PIWIL2: variants seen among roughly 807,000 people sequenced by gnomAD.
The protein encoded by PIWIL2 is piwi like RNA-mediated gene silencing 2.
Under a neutral mutation model 116.5 loss-of-function variants are expected in PIWIL2, and 81 were observed. The ratio of observed to expected loss-of-function variants is 0.70; its 90% CI spans 0.58 to 0.84. The LOEUF is 0.84. PIWIL2 is among the 40% of genes least tolerant of loss of function. The probability of loss-of-function intolerance (pLI) is 0.00; values close to 1 mark genes in which losing one functional copy is unlikely to be tolerated. For synonymous variants in PIWIL2, 489 were observed against 429.5 expected, an observed-to-expected ratio of 1.14 and a Z score of -1.71; for missense variants, 1,272 against 1,212.3, an observed-to-expected ratio of 1.05 and a Z score of -0.73.
chr8:22,287,516 A>G lies in PIWIL2; in HGVS notation c.744-12A>G, dbSNP rs754361865. 6.4e-7 allele frequency: 1 copy of G among 1,573,232 alleles called. No individual in the cohort carries two copies. The highest frequency in any genetic ancestry group is 8.8e-7 in the Non-Finnish European group (1 of 1,142,646). On this transcript the variant is annotated splice_polypyrimidine_tract_variant and intron_variant, in intron 6 of 22. Coordinates refer to ENST00000356766, the MANE Select transcript of PIWIL2 (RefSeq NM_018068.5). ...GTCAAGTTAAAGGAAAATCCTCTTC[A>G]TTATTTTCCAGCCCCAATGTGGAGT...
chr8:22,306,155 C>T lies in PIWIL2; in HGVS notation c.1545+139C>T, dbSNP rs144491623. The T allele has an allele frequency of 4.6e-3, 2,891 of 630,196 alleles. 35 individuals are homozygous for T. The highest frequency in any genetic ancestry group is 0.026 in the Middle Eastern group (69 of 2,646). 39.0% of individuals were successfully genotyped at this position (630,196 alleles called of 1,614,324 possible). A position where few individuals can be genotyped will look rare whatever the true frequency, so the allele number is the denominator to read the frequency against. ...ACCTGGGCCTGTCCATTCTTCCAGC[C>T]TCCAGTTTTCTCCTCTGTAAAACAT... is the stretch of plus-strand genomic sequence containing the variant. On this transcript the variant is annotated intron_variant, in intron 13 of 22. Coordinates refer to ENST00000356766, the MANE Select transcript of PIWIL2 (RefSeq NM_018068.5).
intron 15 of PIWIL2, among the ~76,000 whole-genome samples, chr8:22,310,463 C>G (rs752663413): frequency 2.0e-5 from 3 of 152,100 alleles, no homozygotes; most frequent in Admixed American, 1.3e-4. Context: ...CTATTTGTAT[C>G]AAGGTACAAA....
At chr8:22,276,510 T>C (rs1830374684) in intron 1 of PIWIL2, among the ~76,000 whole-genome samples, 1 of 151,980 alleles carries the variant, frequency 6.6e-6, no homozygotes, top group Non-Finnish European at 1.5e-5. Context: ...GAGATGAGGG[T>C]TCACCATTTT....
At chr8:22,282,169 C>T (rs1830521883) in intron 4 of PIWIL2, among the ~76,000 whole-genome samples, 1 of 149,530 alleles carries the variant, frequency 6.7e-6, no homozygotes, top group Admixed American at 6.7e-5. Context: ...CAACCTCCAC[C>T]TCCCAGGTTC....
chr8:22,304,960 G>A, intron 12 of PIWIL2, 92 bp downstream of exon 12: 1 of 851,686 alleles, frequency 1.2e-6, no homozygotes, highest in Non-Finnish European at 2.0e-6. Flanking sequence ...GGGAGCTGTG[G>A]AGTAGCAATC....
intron 12 of PIWIL2, among the ~76,000 whole-genome samples, chr8:22,305,597 G>C (rs1831157197): frequency 6.6e-6 from 1 of 152,148 alleles, no homozygotes; most frequent in African/African-American, 2.4e-5. Flanking sequence ...CAGTGAGACT[G>C]AGGCACACTG....
At chr8:22,276,965 C>G (rs568718846) in intron 1 of PIWIL2, among the ~76,000 whole-genome samples, 1 of 151,364 alleles carries the variant, frequency 6.6e-6, no homozygotes, top group South Asian at 2.1e-4. Context: ...CAAGTCAGGA[C>G]AATGAGAGGA....
chr8:22,316,459 T>G, intron 19 of PIWIL2, 126 bp downstream of exon 19: 1 of 647,042 alleles, frequency 1.5e-6, no homozygotes, highest in Non-Finnish European at 2.7e-6. Context: ...ATTTTCTTCC[T>G]CTATCTTCAT....
chr8:22,344,960 A>G (rs2132102167), intron 20 of PIWIL2, among the ~76,000 whole-genome samples: 1 of 152,364 alleles, frequency 6.6e-6, no homozygotes, highest in African/African-American at 2.4e-5. Flanking sequence ...ATAGATTGCT[A>G]ATGGGATTGT....
At chr8:22,277,712 G>A (rs1359038100) in intron 1 of PIWIL2, among the ~76,000 whole-genome samples, 1 of 152,084 alleles carries the variant, frequency 6.6e-6, no homozygotes, top group Non-Finnish European at 1.5e-5. Context: ...GAATTGGATA[G>A]AGATTCGGAG....
rs770259158 is a variant in PIWIL2 at position 22,314,312 on chromosome 8, A to G, written c.1990-16A>G. 5 of 1,440,744 alleles carry G rather than the reference A, an allele frequency of 3.5e-6. No homozygotes were observed. The highest frequency in any genetic ancestry group is 3.8e-6 in the Non-Finnish European group (4 of 1,061,588). 89.2% of individuals were successfully genotyped at this position (1,440,744 alleles called of 1,614,324 possible). A position where few individuals can be genotyped will look rare whatever the true frequency, so the allele number is the denominator to read the frequency against. ...GAATTCCACAGCCTGACTTGTATAT[A>G]CCTTATCTCCTCAAGGGGAAGATAC... On this transcript the variant is annotated splice_polypyrimidine_tract_variant and intron_variant, in intron 16 of 22. Transcript: ENST00000356766.
chr8:22,311,627 C>T (rs139177692), intron 16 of PIWIL2, among the ~76,000 whole-genome samples: 8 of 152,296 alleles, frequency 5.3e-5, no homozygotes, highest in Admixed American at 5.2e-4. Flanking sequence ...CCGTCTTGCA[C>T]GATTCACTAC....
Position 22,322,021 on chromosome 8 carries a change from G to T in PIWIL2, c.2403+3746G>T, listed in dbSNP as rs573694759. 1.2e-4 allele frequency: 105 copies of T among 843,776 alleles called. 1 individual carries two copies. The Middle Eastern group carries it at 2.4e-3, about 20-fold the overall frequency. The allele number at this position is 843,776 out of a possible 1,614,324, so 52.3% of individuals were successfully genotyped here. ...TAAAATGCTTCCAAATACTGTTTTG[G>T]TTTTTTTTTTTGTAAATAAACTTTT... On this transcript the variant is annotated intron_variant, in intron 20 of 22. Coordinates refer to ENST00000356766, the MANE Select transcript of PIWIL2 (RefSeq NM_018068.5).
intron 10 of PIWIL2, among the ~76,000 whole-genome samples, chr8:22,297,240 T>A (rs1382081748): frequency 6.6e-6 from 1 of 152,110 alleles, no homozygotes; most frequent in Non-Finnish European, 1.5e-5. Context: ...TTCTCCTACC[T>A]CAGCCTCCGA....
chr8:22,340,130 G>A (rs139081056), intron 20 of PIWIL2, among the ~76,000 whole-genome samples: 9,017 of 128,856 alleles, frequency 0.07, 335 homozygotes, highest in Admixed American at 0.13. Context: ...TCAGCTCACC[G>A]CAACCTCCGC....
chr8:22,321,811 C>T (rs1206486089), intron 20 of PIWIL2: 4 of 964,014 alleles, frequency 4.1e-6, no homozygotes, highest in East Asian at 1.1e-4. Context: ...CTGACTACCT[C>T]TGGACTCCCC....
intron 13 of PIWIL2, among the ~76,000 whole-genome samples, chr8:22,306,868 C>A (rs1338963034): frequency 6.6e-6 from 1 of 152,200 alleles, no homozygotes; most frequent in African/African-American, 2.4e-5. Flanking sequence ...TGTAGACTTA[C>A]TGACCCTAAT....
Position 22,283,146 on chromosome 8 carries a change from G to C in PIWIL2, c.538G>C (p.Gly180Arg). The C allele has an allele frequency of 6.2e-7, 1 of 1,614,152 alleles. No homozygotes were observed. The highest frequency in any genetic ancestry group is 8.5e-7 in the Non-Finnish European group (1 of 1,180,026). The change falls in exon 5 of 23, where the codon GGT (glycine) becomes CGT (arginine). Residue 180 changes from glycine to arginine, a missense_variant. Gly to Arg is a moderately radical substitution (Grantham distance 125). Coordinates refer to ENST00000356766, the MANE Select transcript of PIWIL2 (RefSeq NM_018068.5). The stretch of plus-strand genomic sequence containing the variant: ...CTGTACCTTCAGCACACCGTCCCGG[G>C]GTCCCCCGCAGCTGTCATCACCACC... ...PPCTFSTPSR[G>R]PPQLSSPPAL... is the part of the protein sequence containing the mutation.
intron 20 of PIWIL2, among the ~76,000 whole-genome samples, chr8:22,340,682 G>T (rs756547419): frequency 3.9e-5 from 6 of 152,114 alleles, no homozygotes; most frequent in Non-Finnish European, 8.8e-5. Context: ...ACCACCAGAA[G>T]CTTGAACAGA....
Sources: allele counts gnomAD v4.1 joint callset (sites outside exome capture counted in the v4.1 genomes callset), GRCh38; gene constraint gnomAD v4.1.1; transcripts MANE v1.5; gene names NCBI Gene and HGNC (gene_info 2026-07-23, HGNC 2026-07-21).